SDK1: variants seen among roughly 807,000 people sequenced by gnomAD.
SDK1 encodes protein sidekick-1.
A neutral mutation model predicts 245.5 loss-of-function variants in SDK1; 157 were observed. The observed-to-expected ratio is 0.64, with a 90% CI of 0.56 to 0.73. The LOEUF (loss-of-function observed/expected upper bound fraction) is 0.73, where lower values mean the gene tolerates loss of function less well. Among genes scored for constraint, SDK1 ranks in the 30% least tolerant of loss-of-function variants. The pLI is 0.00. For synonymous variants in SDK1, 1,647 were observed against 1,278.5 expected (o/e 1.29, Z -6.15); for missense variants, 3,583 against 3,002.3 (o/e 1.19, Z -4.52).
At chr7:3,408,241 A>G in intron 1 of SDK1, among the ~76,000 whole-genome samples, 1 of 151,826 alleles carries the variant, frequency 6.6e-6, no homozygotes, top group Non-Finnish European at 1.5e-5. Flanking sequence ...ATGGGGTTTC[A>G]CTATGTTGGC....
intron 4 of SDK1, among the ~76,000 whole-genome samples, chr7:3,697,252 A>G (rs181053956): frequency 1.1e-3 from 168 of 152,302 alleles, no homozygotes; most frequent in Admixed American, 2.1e-3. Context: ...TGCTAATTAT[A>G]AGAAAAGCCA....
intron 1 of SDK1, among the ~76,000 whole-genome samples, chr7:3,556,683 G>A (rs889155039): frequency 3.3e-5 from 5 of 152,076 alleles, no homozygotes; most frequent in Non-Finnish European, 5.9e-5. Context: ...TAAGCCAGGT[G>A]TGGTGGTGCA....
chr7:4,088,453 C>G (rs1012126166), intron 22 of SDK1, among the ~76,000 whole-genome samples: 4 of 152,060 alleles, frequency 2.6e-5, no homozygotes, highest in Non-Finnish European at 5.9e-5. Flanking sequence ...ATTTTATCAT[C>G]AGGTATGACA....
In SDK1 at chr7:3,684,673, T is replaced by A. The variant is rs141708058; in HGVS notation, c.713+42568T>A. ...TATCAGATGCTAAATCAGAGATGAATGTGATGTTGGAATAATCTGGAAAAT... is the reference window on the plus strand; with the variant it reads ...TATCAGATGCTAAATCAGAGATGAAAGTGATGTTGGAATAATCTGGAAAAT... On this transcript the variant is annotated intron_variant, in intron 4 of 44. Coordinates refer to ENST00000404826, the MANE Select transcript of SDK1 (RefSeq NM_152744.4). 6.9e-3 allele frequency among the ~76,000 whole-genome samples: 1,050 copies of A among 152,188 alleles called. 12 individuals are homozygous for A. Among genetic ancestry groups the A allele is most frequent in the Non-Finnish European group, 0.012 (791 of 68,018 alleles).
At chr7:3,698,456 G>T (rs1784638483) in intron 4 of SDK1, among the ~76,000 whole-genome samples, 1 of 152,120 alleles carries the variant, frequency 6.6e-6, no homozygotes, top group Non-Finnish European at 1.5e-5. Context: ...AAGAGGCCTA[G>T]TGGAGAATCA....
chr7:3,756,957 A>C, intron 4 of SDK1, among the ~76,000 whole-genome samples: 1 of 152,224 alleles, frequency 6.6e-6, no homozygotes, highest in East Asian at 1.9e-4. Flanking sequence ...AGGGTTTTCC[A>C]CTATAAAGTT....
intron 5 of SDK1, among the ~76,000 whole-genome samples, chr7:3,877,073 C>T (rs892703435): frequency 3.9e-5 from 6 of 152,170 alleles, no homozygotes; most frequent in African/African-American, 1.2e-4. Context: ...TGAAAGGTCA[C>T]AGTTAAAAGC....
chr7:4,194,301 TATACATGTATAC>T (rs1783423657), intron 35 of SDK1, among the ~76,000 whole-genome samples: 1 of 100,614 alleles, frequency 9.9e-6, no homozygotes, highest in Non-Finnish European at 2.2e-5. Flanking sequence ...CACGTATGTG[TATACATGTATAC>T]ATATATGTAT....
At chr7:4,057,084 CCA>C (rs1470917693) in intron 19 of SDK1, among the ~76,000 whole-genome samples, 4 of 152,174 alleles carry the variant, frequency 2.6e-5, no homozygotes, top group African/African-American at 7.2e-5. Flanking sequence ...ACTCTCCCAC[CCA>C]CAGTTGCCAC....
chr7:3,947,275 C>T (rs993611633), intron 5 of SDK1, among the ~76,000 whole-genome samples: 7 of 152,196 alleles, frequency 4.6e-5, no homozygotes, highest in African/African-American at 1.7e-4. Flanking sequence ...TGCTCTTCCA[C>T]CTCACTCCGT....
chr7:3,538,373 T>C (rs1336140302), intron 1 of SDK1, among the ~76,000 whole-genome samples: 1 of 152,144 alleles, frequency 6.6e-6, no homozygotes, highest in Non-Finnish European at 1.5e-5. Context: ...GGAAGGCCTT[T>C]TTGAAAAAAT....
At chr7:4,149,017 C>A (rs562720675) in intron 29 of SDK1, among the ~76,000 whole-genome samples, 6 of 152,176 alleles carry the variant, frequency 3.9e-5, no homozygotes, top group Non-Finnish European at 7.3e-5. Context: ...GATCACGCCA[C>A]TGCACTCCAA....
At chr7:3,881,155 A>T (rs1781199564) in intron 5 of SDK1, among the ~76,000 whole-genome samples, 1 of 152,058 alleles carries the variant, frequency 6.6e-6, no homozygotes, top group Non-Finnish European at 1.5e-5. Context: ...TTTGTTACGC[A>T]GGTAAACCTG....
chr7:3,398,708 G>C (rs1778798972), intron 1 of SDK1, among the ~76,000 whole-genome samples: 1 of 149,742 alleles, frequency 6.7e-6, no homozygotes, highest in African/African-American at 2.4e-5. Flanking sequence ...GAACATAGTG[G>C]GACTTCTGGG....
At chr7:3,496,656 A>G (rs752165743) in intron 1 of SDK1, among the ~76,000 whole-genome samples, 2 of 152,228 alleles carry the variant, frequency 1.3e-5, no homozygotes, top group Non-Finnish European at 2.9e-5. Context: ...AACAGAGTTC[A>G]TAGTGATTTT....
chr7:3,769,019 A>C (rs998078012), intron 4 of SDK1, among the ~76,000 whole-genome samples: 1 of 152,212 alleles, frequency 6.6e-6, no homozygotes, highest in African/African-American at 2.4e-5. Context: ...TAATTATGCC[A>C]CGTTCTCTTG....
chr7:3,334,184 A>G (rs183812282), intron 1 of SDK1, among the ~76,000 whole-genome samples: 47 of 152,312 alleles, frequency 3.1e-4, no homozygotes, highest in African/African-American at 1.1e-3. Context: ...AGGTGGGAGT[A>G]GATTGAAGTG....
chr7:3,317,663 A>ATAATCT (rs1779697503), intron 1 of SDK1, among the ~76,000 whole-genome samples: 1 of 152,174 alleles, frequency 6.6e-6, no homozygotes, highest in Non-Finnish European at 1.5e-5. Context: ...CCATGTTCAC[A>ATAATCT]GGAGCTGGTT....
At chr7:4,060,824 T>C (rs2128170731) in intron 19 of SDK1, among the ~76,000 whole-genome samples, 1 of 152,182 alleles carries the variant, frequency 6.6e-6, no homozygotes, top group South Asian at 2.1e-4. Context: ...TTGTATAAGG[T>C]GTAAGGAGGG....
Sources: gnomAD v4.1 joint callset for allele counts (sites outside exome capture counted in the v4.1 genomes callset) on GRCh38, gnomAD v4.1.1 for gene constraint, MANE v1.5 for transcripts, NCBI Gene and HGNC (gene_info 2026-07-23, HGNC 2026-07-21) for gene names.